Variants in DFFB observed in about 807,000 individuals in gnomAD.
DFFB encodes DNA fragmentation factor 40 kDa subunit.
Under a neutral mutation model 32.7 loss-of-function variants are expected in DFFB, and 29 were observed. That is an observed-to-expected ratio of 0.89 (90% CI 0.66 to 1.21). The LOEUF is 1.21. DFFB is among the 50% of genes most tolerant of loss of function. The pLI is 0.00. For missense variants in DFFB, 398 were observed against 440.6 expected (o/e 0.90, Z 0.87); for synonymous variants, 170 against 177.1 (o/e 0.96, Z 0.32).
intron 2 of DFFB, among the ~76,000 whole-genome samples, chr1:3,861,873 G>A (rs1644887011): frequency 6.6e-6 from 1 of 152,214 alleles, no homozygotes; most frequent in South Asian, 2.1e-4. Context: ...GGTACTGCAG[G>A]GTCTAGCCAG....
At chr1:3,873,503 G>A (rs1645160300) in intron 6 of DFFB, among the ~76,000 whole-genome samples, 1 of 150,344 alleles carries the variant, frequency 6.7e-6, no homozygotes, top group African/African-American at 2.4e-5. Context: ...TTCTGAGATG[G>A]AGTTTTGCTC....
intron 2 of DFFB, among the ~76,000 whole-genome samples, chr1:3,864,219 C>A (rs532735060): frequency 6.6e-6 from 1 of 152,234 alleles, no homozygotes; most frequent in Admixed American, 6.5e-5. Context: ...CCTGCCTCGG[C>A]CTCCGAAAGT....
intron 2 of DFFB, among the ~76,000 whole-genome samples, chr1:3,861,928 A>G (rs1644887801): frequency 1.3e-5 from 2 of 152,246 alleles, no homozygotes. Flanking sequence ...TTGGAAAGGA[A>G]GAAGTGAAGC....
chr1:3,866,315 C>T (rs769523453), intron 3 of DFFB: 24 of 435,362 alleles, frequency 5.5e-5, no homozygotes, highest in Admixed American at 1.6e-4. Flanking sequence ...CTTGGCTCAC[C>T]GCAACCTCTG....
chr1:3,880,166 T>C (rs116200349), intron 6 of DFFB, among the ~76,000 whole-genome samples: 8 of 152,286 alleles, frequency 5.3e-5, no homozygotes, highest in Non-Finnish European at 1.2e-4. Context: ...CAGCCATGTC[T>C]GTGTGAGCCC....
chr1:3,866,164 C>T (rs1445208084), intron 3 of DFFB, 164 bp downstream of exon 3: 1 of 714,222 alleles, frequency 1.4e-6, no homozygotes, highest in East Asian at 2.7e-5. Flanking sequence ...ATTTCCCAGC[C>T]TCGTGGGAAA....
chr1:3,869,615 A>T lies in DFFB; in HGVS notation c.521A>T (p.Tyr174Phe), dbSNP rs1399650483. The change falls in exon 5 of 7, where the codon TAC (tyrosine) becomes TTC (phenylalanine). Residue 174 changes from tyrosine to phenylalanine, a missense_variant. Tyr to Phe is a conservative substitution (Grantham distance 22, BLOSUM62 3). Transcript: ENST00000378209. ...IRSYLREVSS[Y>F]PSTVGAEAQE... is the part of the protein sequence containing the mutation. ...CCTTGGTTCCTCCAGGTGAGCTCCT[A>T]CCCCTCCACGGTGGGTGCGGAGGCT... 6.2e-7 allele frequency: 1 copy of T among 1,610,552 alleles called. No individual in the cohort carries two copies. The highest frequency in any genetic ancestry group is 8.5e-7 in the Non-Finnish European group (1 of 1,178,754).
intron 2 of DFFB, 87 bp downstream of exon 2, chr1:3,858,931 G>A: frequency 1.9e-6 from 3 of 1,561,222 alleles, no homozygotes; most frequent in South Asian, 1.2e-5. Flanking sequence ...ATCAGGGTGG[G>A]GAAGAGTCCC....
At chr1:3,880,571 C>T (rs1645315417) in intron 6 of DFFB, among the ~76,000 whole-genome samples, 1 of 152,166 alleles carries the variant, frequency 6.6e-6, no homozygotes, top group African/African-American at 2.4e-5. Flanking sequence ...GGGTCTGCCT[C>T]TCCTGCTGGT....
At chr1:3,867,779 G>T in intron 3 of DFFB, 195 bp from the exon 4 acceptor site, 1 of 593,300 alleles carries the variant, frequency 1.7e-6, no homozygotes, top group East Asian at 2.8e-5. Context: ...CCTGAGCCCA[G>T]GAGGTTAAGG....
intron 2 of DFFB, among the ~76,000 whole-genome samples, chr1:3,859,112 C>A (rs1644828796): frequency 6.6e-6 from 1 of 152,136 alleles, no homozygotes; most frequent in Non-Finnish European, 1.5e-5. Flanking sequence ...TTTGAGGTGT[C>A]CTAGCAATTC....
In DFFB at chr1:3,867,995, G is replaced by A; in HGVS notation, c.452G>A (p.Ser151Asn). Residue 151 changes from serine to asparagine, a missense_variant, in exon 4 of 7, where the codon AGC becomes AAC. Coordinates refer to ENST00000378209, the MANE Select transcript of DFFB (RefSeq NM_004402.4). ...WFEGLESRFQSKSGYLRYSCE... is the reference protein window; with the variant it reads ...WFEGLESRFQNKSGYLRYSCE... ...GCAGGCTTGGAGTCCCGATTTCAGA[G>A]CAAGTCTGGCTATCTGAGATACAGC... 2 of 1,614,156 alleles carry A rather than the reference G, an allele frequency of 1.2e-6. No homozygotes were observed. Among genetic ancestry groups the A allele is most frequent in the Non-Finnish European group, 1.7e-6 (2 of 1,180,016 alleles).
At chr1:3,857,926 A>G (rs775116504) in intron 1 of DFFB, among the ~76,000 whole-genome samples, 2 of 152,126 alleles carry the variant, frequency 1.3e-5, no homozygotes, top group Admixed American at 6.5e-5. Flanking sequence ...GACGACCTGG[A>G]TCACCCCTTC....
At position 3,872,539 on chromosome 1, in the gene DFFB, G is replaced by T; in HGVS notation, c.749G>T (p.Arg250Met). The part of the protein sequence containing the change: ...SINPYSNRES[R>M]ILFSTWNLDH... ...AACCCCTACAGTAACAGGGAGAGCA[G>T]GATCCTCTTCAGCACCTGGAACCTG... The change falls in exon 6 of 7, where the codon AGG becomes ATG. Residue 250 changes from arginine (R) to methionine (M), a missense_variant. Coordinates refer to ENST00000378209, the MANE Select transcript of DFFB (RefSeq NM_004402.4). The T allele has an allele frequency of 6.2e-7, 1 of 1,614,128 alleles. No individual in the cohort carries two copies. Among genetic ancestry groups the T allele is most frequent in the Non-Finnish European group, 8.5e-7 (1 of 1,180,012 alleles).
intron 6 of DFFB, among the ~76,000 whole-genome samples, chr1:3,881,217 G>GC (rs1478991698): frequency 6.6e-6 from 1 of 152,188 alleles, no homozygotes; most frequent in Non-Finnish European, 1.5e-5. Flanking sequence ...CCAGCCCTAG[G>GC]CCACCCTCCA....
chr1:3,867,138 C>T lies in DFFB; in HGVS notation c.431-836C>T, dbSNP rs370991650. Among the ~76,000 whole-genome samples, 25 of 152,256 alleles carry T rather than the reference C, an allele frequency of 1.6e-4. No homozygotes were observed. The South Asian group carries it at 2.3e-3, about 14-fold the overall frequency. On this transcript the variant is annotated intron_variant, in intron 3 of 6. Transcript: ENST00000378209. Reference sequence around the variant, plus strand: ...GTCTCAATCTCCTGACCTCGTGATCCGCCCGCCTCGGCCTCCCAAAGTGCT... The same window carrying T: ...GTCTCAATCTCCTGACCTCGTGATCTGCCCGCCTCGGCCTCCCAAAGTGCT...
intron 6 of DFFB, among the ~76,000 whole-genome samples, chr1:3,876,535 C>T (rs1209728844): frequency 2.0e-5 from 3 of 152,202 alleles, no homozygotes; most frequent in Non-Finnish European, 4.4e-5. Context: ...GTCTGTTTGC[C>T]ACAGGCCTGT....
chr1:3,875,682 T>C (rs749150481), intron 6 of DFFB, among the ~76,000 whole-genome samples: 8 of 152,220 alleles, frequency 5.3e-5, no homozygotes, highest in African/African-American at 1.7e-4. Context: ...TGTGTTTCTT[T>C]CCTTTGCTCG....
intron 4 of DFFB, among the ~76,000 whole-genome samples, chr1:3,868,879 G>A (rs974713951): frequency 1.3e-5 from 2 of 152,210 alleles, no homozygotes; most frequent in African/African-American, 2.4e-5. Context: ...ACTGCACCCC[G>A]TTTTTCTGCA....
Sources: allele counts gnomAD v4.1 joint callset (sites outside exome capture counted in the v4.1 genomes callset), GRCh38; gene constraint gnomAD v4.1.1; transcripts MANE v1.5; gene names NCBI Gene and HGNC (gene_info 2026-07-23, HGNC 2026-07-21).